C1orf87: variants seen among roughly 807,000 people sequenced by gnomAD.
C1orf87 encodes the protein chromosome 1 open reading frame 87.
A neutral mutation model predicts 60.5 loss-of-function variants in C1orf87; 58 were observed. The observed-to-expected ratio is 0.96, with a 90% CI of 0.78 to 1.19. C1orf87 has a LOEUF of 1.19. Among genes scored for constraint, C1orf87 ranks in the 50% most tolerant of loss-of-function variants. The pLI, the probability that C1orf87 is intolerant of heterozygous loss-of-function variation, is 0.00. For missense variants in C1orf87, 673 were observed against 638.6 expected (o/e 1.05, Z -0.58); for synonymous variants, 236 against 227.4 (o/e 1.04, Z -0.34).
chr1:60,051,836 T>C (rs1286116263), intron 3 of C1orf87, among the ~76,000 whole-genome samples: 2 of 152,280 alleles, frequency 1.3e-5, no homozygotes, highest in East Asian at 3.9e-4. Context: ...TTTAACGGAA[T>C]CTGTGATTGG....
intron 2 of C1orf87, among the ~76,000 whole-genome samples, chr1:60,060,994 C>G (rs1336777786): frequency 6.6e-6 from 1 of 152,188 alleles, no homozygotes; most frequent in Non-Finnish European, 1.5e-5. Context: ...TGCCTGGCCT[C>G]TTCACCAATG....
intron 8 of C1orf87, among the ~76,000 whole-genome samples, chr1:60,021,693 A>G (rs1645164150): frequency 6.6e-6 from 1 of 152,224 alleles, no homozygotes; most frequent in Non-Finnish European, 1.5e-5. Flanking sequence ...TGACTTCCCC[A>G]TGGCACTATC....
intron 8 of C1orf87, among the ~76,000 whole-genome samples, chr1:60,014,309 C>G (rs112715126): frequency 3.3e-5 from 5 of 152,242 alleles, no homozygotes; most frequent in South Asian, 2.1e-4. Flanking sequence ...TTTCTGTTTT[C>G]TGCACTTCTT....
At chr1:60,068,057 C>T (rs749420048) in intron 2 of C1orf87, among the ~76,000 whole-genome samples, 6 of 151,960 alleles carry the variant, frequency 3.9e-5, no homozygotes, top group Non-Finnish European at 7.4e-5. Flanking sequence ...ATTTCTGAGG[C>T]CTCTGTTCTG....
chr1:60,052,584 G>A (rs148307723), intron 3 of C1orf87, among the ~76,000 whole-genome samples: 21 of 152,274 alleles, frequency 1.4e-4, no homozygotes, highest in South Asian at 1.0e-3. Flanking sequence ...CTACCAATGA[G>A]ACTCTTCGAA....
At chr1:60,053,429 T>G (rs1030990662) in intron 3 of C1orf87, among the ~76,000 whole-genome samples, 1 of 152,130 alleles carries the variant, frequency 6.6e-6, no homozygotes, top group Non-Finnish European at 1.5e-5. Context: ...TGCTTGGGAA[T>G]AGTAAATTAG....
At chr1:60,069,926 G>A (rs1645573619) in intron 2 of C1orf87, among the ~76,000 whole-genome samples, 1 of 152,166 alleles carries the variant, frequency 6.6e-6, no homozygotes, top group African/African-American at 2.4e-5. Flanking sequence ...TTATAAAAAG[G>A]GGCAATTTGG....
At chr1:60,059,125 A>G (rs1354486664) in intron 2 of C1orf87, among the ~76,000 whole-genome samples, 1 of 152,026 alleles carries the variant, frequency 6.6e-6, no homozygotes, top group Non-Finnish European at 1.5e-5. Flanking sequence ...CAAGAAAATG[A>G]CTCTCTAGCT....
chr1:60,028,826 C>T (rs1645217022), intron 7 of C1orf87, among the ~76,000 whole-genome samples: 1 of 151,724 alleles, frequency 6.6e-6, no homozygotes, highest in African/African-American at 2.4e-5. Context: ...TCTCCAAACT[C>T]TCTTTGTTTT....
At chr1:60,042,745 A>C (rs1054572032) in intron 3 of C1orf87, among the ~76,000 whole-genome samples, 1 of 152,240 alleles carries the variant, frequency 6.6e-6, no homozygotes, top group South Asian at 2.1e-4. Context: ...TTATTCCTTC[A>C]TTTAAAAAAC....
chr1:60,024,114 T>C (rs1645182654), intron 8 of C1orf87, among the ~76,000 whole-genome samples: 1 of 152,224 alleles, frequency 6.6e-6, no homozygotes, highest in Non-Finnish European at 1.5e-5. Flanking sequence ...TTTTATTAAC[T>C]TGTTTTTCTG....
intron 11 of C1orf87, among the ~76,000 whole-genome samples, chr1:59,992,899 T>C (rs1428970697): frequency 6.6e-6 from 1 of 152,210 alleles, no homozygotes; most frequent in Non-Finnish European, 1.5e-5. Context: ...CTGTCTCTCT[T>C]ATTAGAACAG....
intron 7 of C1orf87, among the ~76,000 whole-genome samples, chr1:60,033,128 A>G (rs1326188629): frequency 6.6e-6 from 1 of 152,234 alleles, no homozygotes; most frequent in African/African-American, 2.4e-5. Context: ...GGGTTGGGAC[A>G]CCACATGCTG....
At chr1:59,995,243 T>A (rs641467) in intron 11 of C1orf87, among the ~76,000 whole-genome samples, 126,407 of 151,900 alleles carry the variant, frequency 0.83, 52,703 homozygotes, top group South Asian at 0.9. Flanking sequence ...GTCATTTTTT[T>A]AAAAAATGTT....
intron 8 of C1orf87, among the ~76,000 whole-genome samples, chr1:60,021,519 C>G (rs1645163170): frequency 6.6e-6 from 1 of 152,152 alleles, no homozygotes; most frequent in African/African-American, 2.4e-5. Context: ...TACGTATCTG[C>G]ATCCCTGAGA....
chr1:60,024,432 A>T (rs1463688812), intron 8 of C1orf87, among the ~76,000 whole-genome samples: 1 of 152,150 alleles, frequency 6.6e-6, no homozygotes, highest in Non-Finnish European at 1.5e-5. Flanking sequence ...TGGAAACATG[A>T]AGTATTCCCA....
In C1orf87 at chr1:60,040,048, C is replaced by A. The variant is rs376379353; in HGVS notation, c.616G>T (p.Asp206Tyr). 1.9e-6 allele frequency: 3 copies of A among 1,614,052 alleles called. No individual in the cohort carries two copies. In the African/African-American group the frequency reaches 4.0e-5, roughly 22 times the overall value. Residue 206 changes from aspartate to tyrosine, a missense_variant, in exon 5 of 12, where the codon GAC (aspartate) becomes TAC (tyrosine). By Grantham distance (160) the Asp-to-Tyr change is radical. Coordinates refer to ENST00000371201, the MANE Select transcript of C1orf87 (RefSeq NM_152377.3). ...AGAAGAAATCCTGAAGAGATTGGGT[C>A]CAGGATCTTCAGCTCTTTCTGAAGC... ...EKLQKELKIL[D>Y]PISSGFLLQS... is the part of the protein sequence containing the mutation.
intron 3 of C1orf87, among the ~76,000 whole-genome samples, chr1:60,048,328 G>A (rs2100308713): frequency 6.6e-6 from 1 of 152,260 alleles, no homozygotes; most frequent in South Asian, 2.1e-4. Context: ...AGATCCTCTA[G>A]TTCTGATCAA....
At chr1:60,025,816 G>A (rs1475785732) in intron 7 of C1orf87, among the ~76,000 whole-genome samples, 2 of 152,162 alleles carry the variant, frequency 1.3e-5, no homozygotes, top group Non-Finnish European at 2.9e-5. Context: ...CAATGCCTAT[G>A]TATTACACAT....
Sources: gnomAD v4.1 joint callset for allele counts (sites outside exome capture counted in the v4.1 genomes callset) on GRCh38, gnomAD v4.1.1 for gene constraint, MANE v1.5 for transcripts, NCBI Gene and HGNC (gene_info 2026-07-23, HGNC 2026-07-21) for gene names.